The following NELFA variants were observed in gnomAD, a reference collection of about 807,000 sequenced individuals.
NELFA encodes negative elongation factor A.
In NELFA, 35 loss-of-function variants were observed where a neutral mutation model predicts 51.8. That is an observed-to-expected ratio of 0.68 (90% CI 0.52 to 0.90). The LOEUF (loss-of-function observed/expected upper bound fraction) is 0.90. NELFA is among the 40% of genes least tolerant of loss of function. The probability of loss-of-function intolerance (pLI) is 0.00; values close to 1 mark genes in which losing one functional copy is unlikely to be tolerated. For missense variants in NELFA, 658 were observed against 746.4 expected, an observed-to-expected ratio of 0.88 and a Z score of 1.38; for synonymous variants, 417 against 338.4, an observed-to-expected ratio of 1.23 and a Z score of -2.55.
At chr4:2,002,201 G>GA (rs1291783357) in intron 1 of NELFA, among the ~76,000 whole-genome samples, 17 of 149,274 alleles carry the variant, frequency 1.1e-4, no homozygotes, top group African/African-American at 1.5e-4. Flanking sequence ...CTCCATCTCA[G>GA]AAAAAAAAAG....
chr4:1,984,089 C>T lies in NELFA; in HGVS notation c.1061G>A (p.Arg354His), dbSNP rs748816112. ...CGGGGCGCTGGGCTCCTCTGGTGGGCGGCTGGCTTCCCGGGAAGATGGGGC... is the reference window on the plus strand; with the variant it reads ...CGGGGCGCTGGGCTCCTCTGGTGGGTGGCTGGCTTCCCGGGAAGATGGGGC... ...PPAPSSREAS[R>H]PPEEPSAPSP... The change falls in exon 9 of 11, where the codon CGC (arginine) becomes CAC (histidine). Residue 354 changes from arginine to histidine, a missense_variant. Coordinates refer to ENST00000382882, the MANE Select transcript of NELFA (RefSeq NM_005663.5). 18 of 1,578,848 alleles carry T rather than the reference C, an allele frequency of 1.1e-5. No homozygotes were observed. Among genetic ancestry groups the T allele is most frequent in the East Asian group, 1.1e-4 (5 of 44,490 alleles).
intron 2 of NELFA, chr4:1,990,384 G>A (rs555907170): frequency 3.1e-5 from 14 of 456,774 alleles, no homozygotes; most frequent in East Asian, 2.1e-4. Flanking sequence ...CGAGGGACAG[G>A]CGACCTCCCA....
At chr4:1,992,310 G>A (rs1022486296) in intron 1 of NELFA, 62 of 245,676 alleles carry the variant, frequency 2.5e-4, no homozygotes, top group South Asian at 4.2e-4. Flanking sequence ...GAGCCTGGAG[G>A]TGGCCCCGGG....
At position 1,983,218 on chromosome 4, in the gene NELFA, G is replaced by T. The variant is rs1017387305; in HGVS notation, c.*101C>A. On this transcript the variant is annotated 3_prime_UTR_variant, in exon 11 of 11. Coordinates refer to ENST00000382882, the MANE Select transcript of NELFA (RefSeq NM_005663.5). Reference sequence around the variant, plus strand: ...GTCAGCAGCAGGGCGGCGGCCGGGGGACCTCGGGGGCCAGGTGTCCGCCAT... The same window carrying T: ...GTCAGCAGCAGGGCGGCGGCCGGGGTACCTCGGGGGCCAGGTGTCCGCCAT... 12 of 1,263,482 alleles carry T rather than the reference G, an allele frequency of 9.5e-6. No homozygotes were observed. In the Admixed American group the frequency reaches 2.5e-4, roughly 27 times the overall value. 78.3% of individuals were successfully genotyped at this position (1,263,482 alleles called of 1,614,324 possible).
chr4:1,985,502 G>A (rs963276313), intron 7 of NELFA, among the ~76,000 whole-genome samples: 7 of 151,592 alleles, frequency 4.6e-5, no homozygotes, highest in South Asian at 4.1e-4. Flanking sequence ...CCTGCCTGAC[G>A]GGACACTGAG....
intron 1 of NELFA, among the ~76,000 whole-genome samples, chr4:2,000,246 C>G (rs1728535289): frequency 6.6e-6 from 1 of 151,948 alleles, no homozygotes; most frequent in Non-Finnish European, 1.5e-5. Flanking sequence ...AGAGAGCAAA[C>G]TAACCCCAAA....
chr4:2,008,050 T>C (rs1728757717), intron 1 of NELFA: 2 of 456,798 alleles, frequency 4.4e-6, no homozygotes, highest in African/African-American at 2.0e-5. Context: ...CCGGGGTCTT[T>C]GCGAGGTGAG....
At position 1,983,492 on chromosome 4, in the gene NELFA, G is replaced by C. The variant is rs757048255; in HGVS notation, c.1414C>G (p.Gln472Glu). 6.2e-7 allele frequency: 1 copy of C among 1,613,900 alleles called. No homozygotes were observed. Among genetic ancestry groups the C allele is most frequent in the East Asian group, 2.2e-5 (1 of 44,892 alleles). The change falls in exon 11 of 11, where the codon CAG (glutamine) becomes GAG (glutamate). Residue 472 changes from glutamine (Q) to glutamate (E), a missense_variant. This residue lies in a region of NELFA where 87 missense variants were observed against 130.2 expected (regional missense o/e 0.67). Transcript: ENST00000382882. Reference sequence around the variant, plus strand: ...ATCTGGATCACGTCCCCCTGCTCCTGGCACGGGTTCTCTGCAGAGAGCAGG... The same window carrying C: ...ATCTGGATCACGTCCCCCTGCTCCTCGCACGGGTTCTCTGCAGAGAGCAGG... ...FMAGSRENPC[Q>E]EQGDVIQIKL... is the part of the protein sequence containing the mutation.
At chr4:2,002,017 G>C (rs1268367998) in intron 1 of NELFA, among the ~76,000 whole-genome samples, 1 of 151,542 alleles carries the variant, frequency 6.6e-6, no homozygotes. Flanking sequence ...TGGCTAACAC[G>C]GTGAAACCCT....
chr4:1,986,138 CCT>C lies in NELFA; in HGVS notation c.809_810del (p.Glu270GlyfsTer46). On this transcript the variant is annotated frameshift_variant, in exon 6 of 11. Transcript: ENST00000382882. LOFTEE classifies it high-confidence loss of function. ...CCGAGAGTCTTCCTTCTCCGCTTCG[CCT>C]CTCGGCCAGCGCCAACCATATCCAG... ...SELDMVGAGREAKRRRKTLDA... is the reference protein window; with the variant it reads ...SELDMVGAGRXAKRRRKTLDA... The C allele has an allele frequency of 6.4e-7, 1 of 1,554,018 alleles. No homozygotes were observed. The highest frequency in any genetic ancestry group is 8.7e-7 in the Non-Finnish European group (1 of 1,148,434).
intron 1 of NELFA, among the ~76,000 whole-genome samples, chr4:2,005,631 G>A (rs758812084): frequency 4.6e-5 from 7 of 152,192 alleles, no homozygotes; most frequent in Non-Finnish European, 7.3e-5. Flanking sequence ...GGAGGAGGTT[G>A]CAGTGAGCTG....
chr4:1,994,879 GAC>G (rs1728380837), intron 1 of NELFA, among the ~76,000 whole-genome samples: 1 of 151,484 alleles, frequency 6.6e-6, no homozygotes, highest in African/African-American at 2.4e-5. Context: ...AAAATAAAAA[GAC>G]ACATTACAAA....
In NELFA at chr4:1,985,831, T is replaced by C; in HGVS notation, c.869A>G (p.Glu290Gly). The change falls in exon 7 of 11, where the codon GAA (glutamate) becomes GGA (glycine). Residue 290 changes from glutamate (E) to glycine (G), a missense_variant. This residue lies in a region of NELFA where 371 missense variants were observed against 448.3 expected (regional missense o/e 0.83). Transcript: ENST00000382882. Reference sequence around the variant, plus strand: ...CGGGGTGGCGTTCTCCACCACCGTTTCCTCCTTGGCCGGCTTCTCCACCAC... The same window carrying C: ...CGGGGTGGCGTTCTCCACCACCGTTCCCTCCTTGGCCGGCTTCTCCACCAC... ...AEVVEKPAKE[E>G]TVVENATPDY... is the part of the protein sequence containing the mutation. The C allele has an allele frequency of 6.2e-7, 1 of 1,613,360 alleles. No individual in the cohort carries two copies.
intron 4 of NELFA, chr4:1,986,603 C>T (rs912010286): frequency 4.1e-6 from 3 of 723,446 alleles, no homozygotes; most frequent in Non-Finnish European, 6.6e-6. Context: ...CACACTTTGC[C>T]AAGACACCAA....
chr4:2,006,643 G>A (rs963543954), intron 1 of NELFA, among the ~76,000 whole-genome samples: 2 of 151,726 alleles, frequency 1.3e-5, no homozygotes, highest in African/African-American at 4.8e-5. Flanking sequence ...TGGTGGCAGC[G>A]CATCAGTCCC....
In NELFA at chr4:1,999,661, A is replaced by G. The variant is rs191758015; in HGVS notation, c.211-7946T>C. On this transcript the variant is annotated intron_variant, in intron 1 of 10. Transcript: ENST00000382882. The stretch of plus-strand genomic sequence containing the variant: ...TAAAACAAGTTCCTACAGACCTACA[A>G]CGAGACTTAGACTCCCACACAATAA... 2.0e-5 allele frequency among the ~76,000 whole-genome samples: 3 copies of G among 152,244 alleles called. No homozygotes were observed. In the East Asian group the frequency reaches 5.8e-4, roughly 29 times the overall value.
intron 1 of NELFA, chr4:1,991,922 T>C: frequency 1.9e-6 from 1 of 519,918 alleles, no homozygotes; most frequent in African/African-American, 2.0e-5. Flanking sequence ...CTCTGCCAGG[T>C]TGCAAGGCCC....
intron 4 of NELFA, chr4:1,986,645 G>C (rs1728109818): frequency 2.0e-6 from 1 of 512,028 alleles, no homozygotes; most frequent in Admixed American, 3.3e-5. Flanking sequence ...CCCAGCCACA[G>C]GATCTCACCA....
At chr4:1,996,735 C>T (rs1402063154) in intron 1 of NELFA, among the ~76,000 whole-genome samples, 2 of 152,156 alleles carry the variant, frequency 1.3e-5, no homozygotes, top group Non-Finnish European at 2.9e-5. Flanking sequence ...AGCTTGAGAC[C>T]AGACTGGCCA....
Sources: allele counts gnomAD v4.1 joint callset (sites outside exome capture counted in the v4.1 genomes callset), GRCh38; gene constraint gnomAD v4.1.1; regional missense constraint gnomAD v4.1.1; transcripts MANE v1.5; gene names NCBI Gene and HGNC (gene_info 2026-07-23, HGNC 2026-07-21).